Variants in AK1 observed in about 807,000 individuals in gnomAD.
AK1 encodes the protein adenylate kinase isoenzyme 1.
A neutral mutation model predicts 23.9 loss-of-function variants in AK1; 13 were observed. The observed-to-expected ratio is 0.54, with a 90% CI of 0.35 to 0.86. The LOEUF (loss-of-function observed/expected upper bound fraction) is 0.86, where lower values mean the gene tolerates loss of function less well. Among genes scored for constraint, AK1 ranks in the 40% least tolerant of loss-of-function variants. The pLI is 0.01. For synonymous variants in AK1, 97 were observed against 102.8 expected (o/e 0.94, Z 0.34); for missense variants, 214 against 255.1 (o/e 0.84, Z 1.10).
chr9:127,873,227 G>T, intron 2 of AK1, 166 bp from the exon 3 acceptor site: 1 of 1,537,480 alleles, frequency 6.5e-7, no homozygotes, highest in South Asian at 1.2e-5. Context: ...GCAGGGATGT[G>T]AGTGAGCTCG....
At position 127,867,656 on chromosome 9, in the gene AK1, C is replaced by T. The variant is rs1024917853; in HGVS notation, c.*352G>A. The T allele has an allele frequency of 2.9e-5, 9 of 313,750 alleles. No homozygotes were observed. Among genetic ancestry groups the T allele is most frequent in the African/African-American group, 1.9e-4 (9 of 46,540 alleles). 19.4% of individuals were successfully genotyped at this position (313,750 alleles called of 1,614,324 possible). On this transcript the variant is annotated 3_prime_UTR_variant, in exon 7 of 7. Transcript: ENST00000644144. The stretch of plus-strand genomic sequence containing the variant: ...GCCCCGCCACTCAGCGCCGGGTCCT[C>T]AGGCCAGGCATGCCCTGTGCGAGGA...
chr9:127,868,615 C>T lies in AK1; in HGVS notation c.325-103G>A. ...AGCCCCAGTAGATACCCCCTCAGAC[C>T]TTCAATCCCTTCCCCAAGGCAGCCT... On this transcript the variant is annotated intron_variant, in intron 5 of 6. Transcript: ENST00000644144. This position sits in a 1 kb window ranked among gnomAD's most constrained non-coding sequence, Gnocchi z 4.1. 1.5e-6 allele frequency: 2 copies of T among 1,323,354 alleles called. No individual in the cohort carries two copies. The highest frequency in any genetic ancestry group is 2.1e-6 in the Non-Finnish European group (2 of 953,564). 82.0% of individuals were successfully genotyped at this position (1,323,354 alleles called of 1,614,324 possible). A position where few individuals can be genotyped will look rare whatever the true frequency, so the allele number is the denominator to read the frequency against.
chr9:127,870,834 G>GGCATGGGGATGGC (rs1829386222), intron 5 of AK1, among the ~76,000 whole-genome samples: 1 of 93,066 alleles, frequency 1.1e-5, no homozygotes. Context: ...ATGGGAATGG[G>GGCATGGGGATGGC]GCATGGGGAT....
At chr9:127,869,863 C>G (rs982068229) in intron 5 of AK1, among the ~76,000 whole-genome samples, 32 of 152,236 alleles carry the variant, frequency 2.1e-4, no homozygotes. Flanking sequence ...ACAGTAGGCT[C>G]TTTACACACA....
At chr9:127,877,938 C>A (rs1015354559), upstream of AK1, among the ~76,000 whole-genome samples, 2 of 152,266 alleles carry the variant, frequency 1.3e-5, no homozygotes, top group African/African-American at 4.8e-5. The surrounding 1 kb of genome is among the most constrained non-coding windows in gnomAD (Gnocchi z 5.2). Flanking sequence ...CATTGCGATA[C>A]CCCGACTGTG....
At chr9:127,870,829 A>AATGGCGCATGGGG (rs1829384967) in intron 5 of AK1, among the ~76,000 whole-genome samples, 1 of 52,532 alleles carries the variant, frequency 1.9e-5, no homozygotes, top group African/African-American at 4.7e-5. Flanking sequence ...GGGGCATGGG[A>AATGGCGCATGGGG]ATGGGGCATG....
intron 1 of AK1, chr9:127,875,092 G>C (rs1392311444): frequency 8.3e-6 from 2 of 242,232 alleles, no homozygotes; most frequent in East Asian, 1.9e-4. Context: ...GGAGGTGGGA[G>C]GTGGCCAGGA....
chr9:127,869,479 A>G (rs1212454143), intron 5 of AK1: 4 of 151,046 alleles, frequency 2.6e-5, no homozygotes, highest in African/African-American at 9.7e-5. Flanking sequence ...ACAGCTGGAC[A>G]GAGGCGAGAA....
At chr9:127,874,069 G>T (rs923292789) in intron 2 of AK1, 2 of 984,802 alleles carry the variant, frequency 2.0e-6, no homozygotes, top group Non-Finnish European at 2.4e-6. Context: ...CAGCAGGCCC[G>T]CTGGGTGTCT....
rs921369629 is a variant in AK1, at chr9:127,867,747, G to A, written c.*261C>T. 3.0e-5 allele frequency: 14 copies of A among 472,064 alleles called. No individual in the cohort carries two copies. The highest frequency in any genetic ancestry group is 4.7e-5 in the Non-Finnish European group (12 of 257,460). 29.2% of individuals were successfully genotyped at this position (472,064 alleles called of 1,614,324 possible). ...TGGCAAAGGGAGGCTGAGGAGGAACGGAGGGTTGAGGGGCTGGGGACTTGC... is the reference window on the plus strand; with the variant it reads ...TGGCAAAGGGAGGCTGAGGAGGAACAGAGGGTTGAGGGGCTGGGGACTTGC... On this transcript the variant is annotated 3_prime_UTR_variant, in exon 7 of 7. Transcript: ENST00000644144.
chr9:127,876,751 G>A (rs1407920784), intron 1 of AK1, among the ~76,000 whole-genome samples: 1 of 152,070 alleles, frequency 6.6e-6, no homozygotes, highest in Non-Finnish European at 1.5e-5. Flanking sequence ...TCGTGAGGAG[G>A]CCTCACAGAG....
At position 127,868,003 on chromosome 9, in the gene AK1, C is replaced by T. The variant is rs369560590; in HGVS notation, c.*5G>A. On this transcript the variant is annotated 3_prime_UTR_variant, in exon 7 of 7. Coordinates refer to ENST00000644144, the MANE Select transcript of AK1 (RefSeq NM_000476.3). This position sits in a 1 kb window ranked among gnomAD's most constrained non-coding sequence, Gnocchi z 4.1. ...CTCTGAGCTGGGGAAGCGGCTCCAG[C>T]GTTGCTACTTTAGGGCGTCCAGGTG... is the stretch of plus-strand genomic sequence containing the variant. 87 of 1,613,990 alleles carry T rather than the reference C, an allele frequency of 5.4e-5. No individual in the cohort carries two copies. Among genetic ancestry groups the T allele is most frequent in the Non-Finnish European group, 6.9e-5 (82 of 1,179,986 alleles).
rs1371153854 is a variant in AK1, at chr9:127,871,924, T to C, written c.223A>G (p.Met75Val). ...QLVPLETVLD[M>V]LRDAMVAKVN... ...TTGGCCACCATGGCATCCCGGAGCA[T>C]GTCCAACACTGTCTCCTGGGGCACA... The change falls in exon 5 of 7, where the codon ATG (methionine) becomes GTG (valine). Residue 75 changes from methionine to valine, a missense_variant. Transcript: ENST00000644144. The surrounding 1 kb of genome is among the most constrained non-coding windows in gnomAD (Gnocchi z 4.4). The C allele has an allele frequency of 6.2e-7, 1 of 1,613,934 alleles. No homozygotes were observed. The highest frequency in any genetic ancestry group is 2.2e-5 in the East Asian group (1 of 44,874).
intron 5 of AK1, among the ~76,000 whole-genome samples, chr9:127,869,212 G>A (rs1012084422): frequency 3.3e-5 from 5 of 152,114 alleles, no homozygotes; most frequent in African/African-American, 9.7e-5. Context: ...CCCCTGCCTC[G>A]CTCAATCCAG....
Position 127,867,435 on chromosome 9 carries a change from C to T in AK1, c.*573G>A, listed in dbSNP as rs1339458743. On this transcript the variant is annotated 3_prime_UTR_variant, in exon 7 of 7. Transcript: ENST00000644144. ...ATTCACTACCCACTGGGCCAGCTGG[C>T]GTGGGCCGCCCCAACTGCCCAGGAA... The T allele has an allele frequency of 1.3e-5, 2 of 156,760 alleles. No homozygotes were observed. The highest frequency in any genetic ancestry group is 6.2e-5 in the Admixed American group (1 of 16,182). The allele number at this position is 156,760 out of a possible 1,614,324, so 9.7% of individuals were successfully genotyped here. A position where few individuals can be genotyped will look rare whatever the true frequency, so the allele number is the denominator to read the frequency against.
intron 1 of AK1, among the ~76,000 whole-genome samples, chr9:127,876,871 G>A (rs1829552122): frequency 6.6e-6 from 1 of 152,242 alleles, no homozygotes; most frequent in African/African-American, 2.4e-5. Flanking sequence ...CTGCTAAGGG[G>A]CCTGTGGGGC....
At chr9:127,876,667 G>A (rs187398391) in intron 1 of AK1, among the ~76,000 whole-genome samples, 600 of 47,238 alleles carry the variant, frequency 0.013, 4 homozygotes, top group African/African-American at 0.043. Flanking sequence ...GCCCTGCCCC[G>A]CCCCCCTCCT....
In AK1 at chr9:127,868,286, C is replaced by G. The variant is rs898648313; in HGVS notation, c.516+35G>C. The stretch of plus-strand genomic sequence containing the variant: ...AGGCGGAGCCACATAGGAACCCGTT[C>G]TTCCCGGAGCTGCCCCTGGGCCCGC... On this transcript the variant is annotated intron_variant, in intron 6 of 6. Transcript: ENST00000644144. This position sits in a 1 kb window ranked among gnomAD's most constrained non-coding sequence, Gnocchi z 4.1. 2 of 1,551,532 alleles carry G rather than the reference C, an allele frequency of 1.3e-6. No individual in the cohort carries two copies. Among genetic ancestry groups the G allele is most frequent in the African/African-American group, 2.7e-5 (2 of 73,270 alleles).
chr9:127,870,836 CATGGGGATGG>C (rs1564472279), intron 5 of AK1, among the ~76,000 whole-genome samples: 13 of 130,978 alleles, frequency 9.9e-5, no homozygotes, highest in African/African-American at 3.1e-4. Context: ...GGGAATGGGG[CATGGGGATGG>C]GAGTCTTATC....
Sources: gnomAD v4.1 joint callset for allele counts (sites outside exome capture counted in the v4.1 genomes callset) on GRCh38, gnomAD v4.1.1 for gene constraint, Gnocchi (gnomAD v3.1) non-coding constraint, MANE v1.5 for transcripts, NCBI Gene and HGNC (gene_info 2026-07-23, HGNC 2026-07-21) for gene names.